Variants in CES2 observed in about 807,000 individuals in gnomAD.
The protein encoded by CES2 is cocaine esterase.
In CES2, 42 loss-of-function variants were observed where a neutral mutation model predicts 52.1. The ratio of observed to expected loss-of-function variants is 0.81; its 90% CI spans 0.63 to 1.04. The LOEUF (loss-of-function observed/expected upper bound fraction) is 1.04. Among genes scored for constraint, CES2 ranks in the 50% least tolerant of loss-of-function variants. CES2 has a pLI of 0.00. For synonymous variants in CES2, 277 were observed against 289.6 expected, an observed-to-expected ratio of 0.96 and a Z score of 0.44; for missense variants, 656 against 724.3, an observed-to-expected ratio of 0.91 and a Z score of 1.08.
intron 3 of CES2, among the ~76,000 whole-genome samples, chr16:66,939,705 A>C (rs1319089657): frequency 1.3e-5 from 2 of 152,264 alleles, no homozygotes; most frequent in East Asian, 3.9e-4. Context: ...GAATGGGCAC[A>C]CACAAAAACT....
Position 66,939,508 on chromosome 16 carries a change from C to T in CES2, c.423+150C>T, listed in dbSNP as rs766537062. The T allele has an allele frequency of 3.4e-4, 272 of 799,044 alleles. 1 individual carries two copies. Among genetic ancestry groups the T allele is most frequent in the Non-Finnish European group, 4.7e-4 (241 of 509,912 alleles). 49.5% of individuals were successfully genotyped at this position (799,044 alleles called of 1,614,324 possible). On this transcript the variant is annotated intron_variant, in intron 3 of 11. Transcript: ENST00000317091. ...GTCCAAGAAATGCTCCTTACCCAGACTGGGCAGCTGGCCCCTGGACATGGG... is the reference window on the plus strand; with the variant it reads ...GTCCAAGAAATGCTCCTTACCCAGATTGGGCAGCTGGCCCCTGGACATGGG...
intron 5 of CES2, 94 bp from the exon 6 acceptor site, chr16:66,941,030 G>C: frequency 6.5e-7 from 1 of 1,547,184 alleles, no homozygotes; most frequent in Non-Finnish European, 8.8e-7. Flanking sequence ...TACCCTCTGA[G>C]ATTTGGGGTA....
rs901785524 is a variant in CES2 at position 66,943,731 on chromosome 16, C to G, written c.1494-108C>G. 2.2e-5 allele frequency: 19 copies of G among 879,964 alleles called. No individual in the cohort carries two copies. The highest frequency in any genetic ancestry group is 3.6e-4 in the Middle Eastern group (1 of 2,800). The allele number at this position is 879,964 out of a possible 1,614,324, so 54.5% of individuals were successfully genotyped here. On this transcript the variant is annotated intron_variant, in intron 11 of 11. Transcript: ENST00000317091. The surrounding 1 kb of genome is among the most constrained non-coding windows in gnomAD (Gnocchi z 4.2). ...CCTCCCCACTCATTCCCCAAGCCCA[C>G]CTGGCCTGCTTGGCTGCCTTGCCTG... is the stretch of plus-strand genomic sequence containing the variant.
Position 66,942,247 on chromosome 16 carries a change from A to G in CES2, c.1280A>G (p.Gln427Arg). The change falls in exon 9 of 12, where the codon CAG becomes CGG. Residue 427 changes from glutamine to arginine, a missense_variant and splice_region_variant. Physicochemically the swap from Gln to Arg is conservative, Grantham distance 43 (BLOSUM62 1). Transcript: ENST00000317091. ...CCTGCACTCCAAGTAGCACATTTTC[A>G]GTGTGAGTATATTTGGACCAAAGCC... ...VIPALQVAHF[Q>R]CSRAPVYFYE... is the part of the protein sequence containing the mutation. The G allele has an allele frequency of 1.2e-6, 2 of 1,609,802 alleles. No homozygotes were observed. Among genetic ancestry groups the G allele is most frequent in the Non-Finnish European group, 1.7e-6 (2 of 1,177,032 alleles).
upstream of CES2, chr16:66,935,515 C>A (rs1963179730): frequency 1.2e-6 from 2 of 1,614,098 alleles, no homozygotes; most frequent in South Asian, 2.2e-5. Context: ...CGCTGACTCC[C>A]TGCCCAGTCC....
intron 1 of CES2, 147 bp from the exon 2 acceptor site, chr16:66,937,890 T>C: frequency 1.5e-6 from 1 of 679,638 alleles, no homozygotes. Context: ...GAAGGGAGTG[T>C]TACAGGCAGG....
chr16:66,939,114 T>C (rs1963290272), intron 2 of CES2, 103 bp from the exon 3 acceptor site: 1 of 922,252 alleles, frequency 1.1e-6, no homozygotes, highest in Admixed American at 1.8e-5. Flanking sequence ...GTGAGCAGGA[T>C]ATTGTGGGAA....
upstream of CES2, chr16:66,934,541 C>T (rs1191237641): frequency 1.1e-6 from 1 of 943,136 alleles, no homozygotes; most frequent in Non-Finnish European, 1.5e-6. This position sits in a 1 kb window ranked among gnomAD's most constrained non-coding sequence, Gnocchi z 4.1. Flanking sequence ...GCTGCTCGGA[C>T]CCGGGAACAT....
chr16:66,943,792 G>A lies in CES2; in HGVS notation c.1494-47G>A. ...GGGTGCTCAGGTCTGGGCTTCGGGG[G>A]CCCAGAGTGACCCTCATACTGCCCT... On this transcript the variant is annotated intron_variant, in intron 11 of 11. Transcript: ENST00000317091. This position sits in a 1 kb window ranked among gnomAD's most constrained non-coding sequence, Gnocchi z 4.2. 6.7e-7 allele frequency: 1 copy of A among 1,493,928 alleles called. No individual in the cohort carries two copies. The allele number at this position is 1,493,928 out of a possible 1,614,324, so 92.5% of individuals were successfully genotyped here. A position where few individuals can be genotyped will look rare whatever the true frequency, so the allele number is the denominator to read the frequency against.
Position 66,943,183 on chromosome 16 carries a change from G to A in CES2, c.1421-116G>A. ...GGGCTGGCTTCTGAGGGCAGTGGAA[G>A]AAAAAGCGGAGAAGCAGGACTGGGG... On this transcript the variant is annotated intron_variant, in intron 10 of 11. Transcript: ENST00000317091. This position sits in a 1 kb window ranked among gnomAD's most constrained non-coding sequence, Gnocchi z 4.2. The A allele has an allele frequency of 9.4e-7, 1 of 1,064,672 alleles. No homozygotes were observed. Among genetic ancestry groups the A allele is most frequent in the Non-Finnish European group, 1.4e-6 (1 of 724,920 alleles). 66.0% of individuals were successfully genotyped at this position (1,064,672 alleles called of 1,614,324 possible).
chr16:66,943,974 C>T lies in CES2; in HGVS notation c.1629C>T (p.Pro543=), dbSNP rs375232841. The T allele has an allele frequency of 4.4e-5, 70 of 1,597,550 alleles. No individual in the cohort carries two copies. In the South Asian group the frequency reaches 6.4e-4, roughly 15 times the overall value. ...TCCAGTTCTGGAAGAAGGCGCTGCC[C>T]CAAAAGATCCAGGAGCTCGAGGAGC... The part of the protein sequence containing the change: ...HRLQFWKKAL[P]QKIQELEEPE... Residue 543 remains proline (P), a synonymous_variant, in exon 12 of 12, where the codon CCC becomes CCT. Transcript: ENST00000317091. The surrounding 1 kb of genome is among the most constrained non-coding windows in gnomAD (Gnocchi z 4.2).
Position 66,943,379 on chromosome 16 carries a change from A to G in CES2, c.1493+8A>G. 2 of 1,614,018 alleles carry G rather than the reference A, an allele frequency of 1.2e-6. No homozygotes were observed. Among genetic ancestry groups the G allele is most frequent in the Non-Finnish European group, 1.7e-6 (2 of 1,179,924 alleles). Reference sequence around the variant, plus strand: ...CAACTTTGCGAGAAATGGGTGAGACAGCACACCCCTGCCTCAACCTCCCCG... The same window carrying G: ...CAACTTTGCGAGAAATGGGTGAGACGGCACACCCCTGCCTCAACCTCCCCG... On this transcript the variant is annotated splice_region_variant and intron_variant, in intron 11 of 11. Transcript: ENST00000317091. The surrounding 1 kb of genome is among the most constrained non-coding windows in gnomAD (Gnocchi z 4.2).
Position 66,943,254 on chromosome 16 carries a change from G to C in CES2, c.1421-45G>C. ...GGACGAGCTCCACCTGGGATGCTGA[G>C]GTTGGACATCCTGATGAAGACACAT... is the stretch of plus-strand genomic sequence containing the variant. On this transcript the variant is annotated intron_variant, in intron 10 of 11. Transcript: ENST00000317091. This position sits in a 1 kb window ranked among gnomAD's most constrained non-coding sequence, Gnocchi z 4.2. 1 of 1,600,352 alleles carries C rather than the reference G, an allele frequency of 6.2e-7. No homozygotes were observed. The highest frequency in any genetic ancestry group is 8.6e-7 in the Non-Finnish European group (1 of 1,168,450).
Position 66,941,584 on chromosome 16 carries a change from T to C in CES2, c.994T>C (p.Phe332Leu), listed in dbSNP as rs1963364885. The C allele has an allele frequency of 5.6e-6, 9 of 1,614,180 alleles. No homozygotes were observed. Among genetic ancestry groups the C allele is most frequent in the Non-Finnish European group, 6.8e-6 (8 of 1,180,024 alleles). ...HPQELLASAD[F>L]QPVPSIVGVN... ...CCAGGAGCTGCTGGCCTCTGCCGAC[T>C]TTCAGCCTGTCCCTAGCATTGTTGG... The change falls in exon 7 of 12, where the codon TTT becomes CTT. Residue 332 changes from phenylalanine to leucine, a missense_variant. Phe to Leu is a conservative substitution (Grantham distance 22). Transcript: ENST00000317091.
upstream of CES2, chr16:66,934,655 G>T (rs979879699): frequency 2.4e-5 from 10 of 419,832 alleles, no homozygotes; most frequent in Non-Finnish European, 4.2e-5. This position sits in a 1 kb window ranked among gnomAD's most constrained non-coding sequence, Gnocchi z 4.1. Flanking sequence ...GGTCTCAGGG[G>T]GCACTAAAGG....
Position 66,940,533 on chromosome 16 carries a change from C to T in CES2, c.654C>T (p.Asn218=), listed in dbSNP as rs1963335089. Residue 218 remains asparagine (N), a synonymous_variant, in exon 5 of 12, where the codon AAC becomes AAT. Transcript: ENST00000317091. ...AGAATATCGCCCACTTTGGAGGCAACCCTGACCGTGTCACCATTTTTGGCG... is the reference window on the plus strand; with the variant it reads ...AGAATATCGCCCACTTTGGAGGCAATCCTGACCGTGTCACCATTTTTGGCG... ...VQQNIAHFGG[N]PDRVTIFGES... is the part of the protein sequence containing the mutation. 6.2e-7 allele frequency: 1 copy of T among 1,614,244 alleles called. No homozygotes were observed. The highest frequency in any genetic ancestry group is 8.5e-7 in the Non-Finnish European group (1 of 1,180,036).
At chr16:66,942,840 G>A in intron 10 of CES2, 55 bp downstream of exon 10, 2 of 1,611,962 alleles carry the variant, frequency 1.2e-6, no homozygotes, top group Non-Finnish European at 1.7e-6. Context: ...GGGTCTCTGA[G>A]CGATGATTGA....
In CES2 at chr16:66,941,647, G is replaced by A; in HGVS notation, c.1056+1G>A. 6.2e-7 allele frequency: 1 copy of A among 1,613,884 alleles called. No individual in the cohort carries two copies. The highest frequency in any genetic ancestry group is 8.5e-7 in the Non-Finnish European group (1 of 1,179,904). On this transcript the variant is annotated splice_donor_variant, in intron 7 of 11. Coordinates refer to ENST00000317091, the MANE Select transcript of CES2 (RefSeq NM_001365405.1). LOFTEE classifies it high-confidence loss of function. Reference sequence around the variant, plus strand: ...TGAATTCGGCTGGCTCATCCCCAAGGTGAGCCCCAACCCAAGCCCACAAGT... The same window carrying A: ...TGAATTCGGCTGGCTCATCCCCAAGATGAGCCCCAACCCAAGCCCACAAGT...
intron 1 of CES2, among the ~76,000 whole-genome samples, chr16:66,936,861 T>C (rs912286809): frequency 1.3e-5 from 2 of 152,102 alleles, no homozygotes; most frequent in Non-Finnish European, 2.9e-5. Flanking sequence ...CAGGAAGATC[T>C]GCCTGGCCTC....
Sources: allele counts gnomAD v4.1 joint callset (sites outside exome capture counted in the v4.1 genomes callset), GRCh38; gene constraint gnomAD v4.1.1; non-coding constraint Gnocchi (gnomAD v3.1); transcripts MANE v1.5; gene names NCBI Gene and HGNC (gene_info 2026-07-23, HGNC 2026-07-21).